The following PLCB1 variants were observed in gnomAD, a reference collection of about 807,000 sequenced individuals.
The protein encoded by PLCB1 is 1-phosphatidylinositol 4,5-bisphosphate phosphodiesterase beta-1.
In PLCB1, 46 loss-of-function variants were observed where a neutral mutation model predicts 161.8. The ratio of observed to expected loss-of-function variants is 0.28; its 90% confidence interval spans 0.22 to 0.36. The LOEUF (loss-of-function observed/expected upper bound fraction) is 0.36, where lower values mean the gene tolerates loss of function less well. Ranked by LOEUF, PLCB1 falls within the 10% of genes least tolerant of loss-of-function variation. The pLI, the probability that PLCB1 is intolerant of heterozygous loss-of-function variation, is 1.00. For synonymous variants in PLCB1, 517 were observed against 503.7 expected (o/e 1.03, Z -0.35); for missense variants, 1,016 against 1,472.5 (o/e 0.69, Z 5.07).
chr20:8,405,085 C>G (rs1328439828), intron 3 of PLCB1, among the ~76,000 whole-genome samples: 1 of 152,128 alleles, frequency 6.6e-6, no homozygotes, highest in African/African-American at 2.4e-5. Context: ...AACAAACCTT[C>G]CCAAAACCCA....
chr20:8,252,555 A>T (rs555487165), intron 2 of PLCB1, among the ~76,000 whole-genome samples: 3 of 152,058 alleles, frequency 2.0e-5, no homozygotes, highest in Non-Finnish European at 4.4e-5. Flanking sequence ...ATTAGAATAC[A>T]TTTTGATGAA....
chr20:8,721,129 A>G (rs6077413), intron 14 of PLCB1, among the ~76,000 whole-genome samples: 133,991 of 152,212 alleles, frequency 0.88, 59,012 homozygotes, highest in East Asian at 0.97. Context: ...TTTTTTCACT[A>G]CTGTCATTCA....
At chr20:8,460,637 T>C (rs1981535978) in intron 3 of PLCB1, among the ~76,000 whole-genome samples, 1 of 152,232 alleles carries the variant, frequency 6.6e-6, no homozygotes, top group Non-Finnish European at 1.5e-5. Context: ...TTATTTTGAA[T>C]GTAAAGTTCT....
intron 2 of PLCB1, among the ~76,000 whole-genome samples, chr20:8,259,766 T>G (rs1981602151): frequency 6.6e-6 from 1 of 152,176 alleles, no homozygotes; most frequent in South Asian, 2.1e-4. Flanking sequence ...TAAAAATAAT[T>G]TTCAGAATTA....
chr20:8,524,546 C>T (rs1489708792), intron 3 of PLCB1, among the ~76,000 whole-genome samples: 1 of 152,120 alleles, frequency 6.6e-6, no homozygotes. Flanking sequence ...CAGTATCAGT[C>T]AGGGTTTCTT....
intron 2 of PLCB1, among the ~76,000 whole-genome samples, chr20:8,178,065 T>C (rs188532530): frequency 3.9e-4 from 59 of 152,350 alleles, no homozygotes; most frequent in Non-Finnish European, 5.0e-4. Context: ...TTGTGGTGTA[T>C]ATGTACCATA....
At chr20:8,369,836 C>G (rs1986846825) in intron 2 of PLCB1, among the ~76,000 whole-genome samples, 1 of 152,224 alleles carries the variant, frequency 6.6e-6, no homozygotes. Context: ...GTCAGGAGTT[C>G]TGTTGGACCT....
intron 7 of PLCB1, chr20:8,653,363 GCAAT>G (rs1391752659): frequency 6.6e-6 from 1 of 151,928 alleles, no homozygotes; most frequent in Non-Finnish European, 1.5e-5. Flanking sequence ...TAAATCAGAA[GCAAT>G]CACTTTTGTA....
intron 11 of PLCB1, among the ~76,000 whole-genome samples, chr20:8,698,580 C>T (rs556292760): frequency 1.3e-5 from 2 of 152,230 alleles, no homozygotes; most frequent in Non-Finnish European, 2.9e-5. Flanking sequence ...TAGGAACATA[C>T]CTATGGTCAA....
At chr20:8,274,955 A>G (rs1399384895) in intron 2 of PLCB1, among the ~76,000 whole-genome samples, 2 of 151,970 alleles carry the variant, frequency 1.3e-5, no homozygotes, top group Non-Finnish European at 2.9e-5. Context: ...GATATTTTTC[A>G]TAGTTGTTTT....
Position 8,693,039 on chromosome 20 carries a change from C to T in PLCB1, c.1010-4587C>T, listed in dbSNP as rs771599125. Among the ~76,000 whole-genome samples the T allele has an allele frequency of 4.5e-4, 68 of 152,008 alleles. 3 individuals are homozygous for T. The highest frequency in any genetic ancestry group is 3.9e-4 in the African/African-American group (16 of 41,370). On this transcript the variant is annotated intron_variant, in intron 10 of 31. Coordinates refer to ENST00000338037, the MANE Select transcript of PLCB1 (RefSeq NM_015192.4). The stretch of plus-strand genomic sequence containing the variant: ...ATCAGAACCTAGATAAAATATTTTA[C>T]TGGCAAGGAAAAAGAGAAAGAAGAG...
intron 2 of PLCB1, among the ~76,000 whole-genome samples, chr20:8,205,354 T>C (rs543986982): frequency 6.6e-6 from 1 of 152,326 alleles, no homozygotes; most frequent in Admixed American, 6.5e-5. Context: ...AAACCTGAAA[T>C]TCTTCAAGCT....
At chr20:8,850,777 G>C (rs952294306) in intron 31 of PLCB1, among the ~76,000 whole-genome samples, 1 of 152,126 alleles carries the variant, frequency 6.6e-6, no homozygotes, top group African/African-American at 2.4e-5. Flanking sequence ...CATGGTCTTG[G>C]AATTCCCAGC....
intron 3 of PLCB1, among the ~76,000 whole-genome samples, chr20:8,608,134 C>T (rs1056380637): frequency 6.6e-6 from 1 of 152,026 alleles, no homozygotes; most frequent in African/African-American, 2.4e-5. Context: ...AAGTTGTGTA[C>T]TTAAAATTAA....
chr20:8,607,192 C>A (rs112010869), intron 3 of PLCB1, among the ~76,000 whole-genome samples: 22 of 152,304 alleles, frequency 1.4e-4, no homozygotes, highest in African/African-American at 5.3e-4. Flanking sequence ...TCCAACGCAT[C>A]CACTTCTCTC....
At chr20:8,257,623 A>G (rs975086353) in intron 2 of PLCB1, among the ~76,000 whole-genome samples, 27 of 152,178 alleles carry the variant, frequency 1.8e-4, no homozygotes, top group Admixed American at 3.9e-4. Flanking sequence ...CCTACGTCAC[A>G]GGGTGATTGT....
In PLCB1 at chr20:8,330,416, G is replaced by A. The variant is rs1343630872; in HGVS notation, c.178-40966G>A. ...ACTCAAGAAGCTGCATTTTATAGCC[G>A]TAGAAGAGCCATGCTGCATTGATAA... On this transcript the variant is annotated intron_variant, in intron 2 of 31. Transcript: ENST00000338037. Among the ~76,000 whole-genome samples, 6 of 152,190 alleles carry A rather than the reference G, an allele frequency of 3.9e-5. 1 individual carries two copies. The highest frequency in any genetic ancestry group is 4.1e-4 in the South Asian group (2 of 4,830).
Position 8,264,254 on chromosome 20 carries a change from C to T in PLCB1, c.178-107128C>T, listed in dbSNP as rs151006433. On this transcript the variant is annotated intron_variant, in intron 2 of 31. Coordinates refer to ENST00000338037, the MANE Select transcript of PLCB1 (RefSeq NM_015192.4). ...ATATCACTATCTTCCACTTCCACAT[C>T]TTGTCCCACTGGAAGGTCTGCAGGG... is the stretch of plus-strand genomic sequence containing the variant. Among the ~76,000 whole-genome samples, 9 of 152,262 alleles carry T rather than the reference C, an allele frequency of 5.9e-5. No individual in the cohort carries two copies. The East Asian group carries it at 1.7e-3, about 29-fold the overall frequency.
chr20:8,326,786 G>A (rs907484959), intron 2 of PLCB1, among the ~76,000 whole-genome samples: 1 of 152,072 alleles, frequency 6.6e-6, no homozygotes, highest in Non-Finnish European at 1.5e-5. Flanking sequence ...CTGCTTATTG[G>A]GTCTGAAACA....
Sources: allele counts gnomAD v4.1 joint callset (sites outside exome capture counted in the v4.1 genomes callset), GRCh38; gene constraint gnomAD v4.1.1; transcripts MANE v1.5; gene names NCBI Gene and HGNC (gene_info 2026-07-23, HGNC 2026-07-21).